The following SIPA1L1 variants were observed in gnomAD, a reference collection of about 807,000 sequenced individuals.
SIPA1L1 encodes the protein signal induced proliferation associated 1 like 1, also known as signal-induced proliferation-associated 1-like protein 1.
In SIPA1L1, 26 loss-of-function variants were observed where a neutral mutation model predicts 162.7. That is an observed-to-expected ratio of 0.16 (90% confidence interval 0.12 to 0.22). The LOEUF is 0.22. Ranked by LOEUF, SIPA1L1 falls within the 10% of genes least tolerant of loss-of-function variation. The pLI, the probability that SIPA1L1 is intolerant of heterozygous loss-of-function variation, is 1.00. For synonymous variants in SIPA1L1, 829 were observed against 837.4 expected (o/e 0.99, Z 0.17); for missense variants, 1,874 against 2,241.0 (o/e 0.84, Z 3.31).
chr14:71,588,298 G>C lies in SIPA1L1; in HGVS notation c.426G>C (p.Lys142Asn). Residue 142 changes from lysine to asparagine, a missense_variant, in exon 5 of 24, where the codon AAG becomes AAC. This residue lies in a region of SIPA1L1 where 685 missense variants were observed against 828.0 expected (regional missense o/e 0.83). Transcript: ENST00000381232. The surrounding 1 kb of genome is among the most constrained non-coding windows in gnomAD (Gnocchi z 4.3). Reference sequence around the variant, plus strand: ...GCATACAGAACACGCTGAAAAACAAGACAAGACCGTCGGAGAACATGGACT... The same window carrying C: ...GCATACAGAACACGCTGAAAAACAACACAAGACCGTCGGAGAACATGGACT... Reference protein sequence around the residue: ...LKSIQNTLKNKTRPSENMDSR... With the variant: ...LKSIQNTLKNNTRPSENMDSR... 6.2e-7 allele frequency: 1 copy of C among 1,613,884 alleles called. No homozygotes were observed. The highest frequency in any genetic ancestry group is 8.5e-7 in the Non-Finnish European group (1 of 1,179,986).
At chr14:71,566,233 G>A (rs1045929899) in intron 4 of SIPA1L1, among the ~76,000 whole-genome samples, 4 of 152,136 alleles carry the variant, frequency 2.6e-5, no homozygotes, top group Non-Finnish European at 5.9e-5. Flanking sequence ...TAATAACCTA[G>A]CAGAAGATAT....
chr14:71,584,416 C>T (rs2034328338), intron 4 of SIPA1L1, among the ~76,000 whole-genome samples: 1 of 152,170 alleles, frequency 6.6e-6, no homozygotes, highest in African/African-American at 2.4e-5. Flanking sequence ...TATTAAAGAG[C>T]TTACAATCAA....
intron 7 of SIPA1L1, among the ~76,000 whole-genome samples, chr14:71,644,254 A>G (rs1033471169): frequency 1.3e-5 from 2 of 151,836 alleles, no homozygotes; most frequent in Non-Finnish European, 2.9e-5. Flanking sequence ...TTTTTTTGAG[A>G]CAGGGTTGCA....
At chr14:71,646,406 G>C (rs2042173453) in intron 7 of SIPA1L1, among the ~76,000 whole-genome samples, 1 of 152,152 alleles carries the variant, frequency 6.6e-6, no homozygotes, top group Non-Finnish European at 1.5e-5. Context: ...TCAATCTCCT[G>C]ACCTCATGAG....
chr14:71,732,653 G>T (rs1479429850), intron 20 of SIPA1L1, among the ~76,000 whole-genome samples: 2 of 152,208 alleles, frequency 1.3e-5, no homozygotes, highest in Non-Finnish European at 2.9e-5. Context: ...AAGAGCTTGG[G>T]ATGTTAGACT....
At chr14:71,684,912 C>T (rs2046151847) in intron 12 of SIPA1L1, among the ~76,000 whole-genome samples, 1 of 150,798 alleles carries the variant, frequency 6.6e-6, no homozygotes, top group South Asian at 2.1e-4. Flanking sequence ...AGCCCAGTCA[C>T]GATGTGCAGT....
At chr14:71,513,680 A>C (rs1275270446) in intron 3 of SIPA1L1, among the ~76,000 whole-genome samples, 1 of 152,064 alleles carries the variant, frequency 6.6e-6, no homozygotes, top group African/African-American at 2.4e-5. Flanking sequence ...TTCTATAGAA[A>C]TGGGGTCTTG....
intron 23 of SIPA1L1, among the ~76,000 whole-genome samples, 195 bp from the exon 24 acceptor site, chr14:71,738,823 G>C (rs2085556460): frequency 3.3e-5 from 5 of 152,112 alleles, no homozygotes; most frequent in Admixed American, 3.3e-4. Context: ...CTGCAGGGTT[G>C]AATCTCTCTA....
At chr14:71,536,420 C>CA (rs1369261283) in intron 4 of SIPA1L1, among the ~76,000 whole-genome samples, 1 of 152,218 alleles carries the variant, frequency 6.6e-6, no homozygotes, top group Non-Finnish European at 1.5e-5. Flanking sequence ...GTCTTGAAGC[C>CA]ATTGTGGTAT....
chr14:71,479,630 A>G (rs888507015), intron 2 of SIPA1L1, among the ~76,000 whole-genome samples: 6 of 151,194 alleles, frequency 4.0e-5, no homozygotes, highest in Admixed American at 2.0e-4. Flanking sequence ...CTGCTCTTGA[A>G]CTCTTGAGCT....
chr14:71,621,803 A>G (rs1353540054), intron 6 of SIPA1L1, among the ~76,000 whole-genome samples: 1 of 151,754 alleles, frequency 6.6e-6, no homozygotes, highest in Non-Finnish European at 1.5e-5. Flanking sequence ...GTCTCCTTCC[A>G]TCCCTTTCTC....
chr14:71,707,535 T>C (rs2082539376), intron 16 of SIPA1L1, among the ~76,000 whole-genome samples: 1 of 152,200 alleles, frequency 6.6e-6, no homozygotes, highest in Non-Finnish European at 1.5e-5. Context: ...TCTGGACATT[T>C]CATACAAATG....
At chr14:71,426,155 A>G (rs1481830678) in intron 2 of SIPA1L1, among the ~76,000 whole-genome samples, 1 of 152,084 alleles carries the variant, frequency 6.6e-6, no homozygotes, top group Admixed American at 6.6e-5. Flanking sequence ...CTTTAAACAC[A>G]TGTCCTTTGT....
At chr14:71,624,273 G>A in intron 7 of SIPA1L1, 37 bp downstream of exon 7, 1 of 1,538,946 alleles carries the variant, frequency 6.5e-7, no homozygotes, top group East Asian at 2.3e-5. Flanking sequence ...TTCTTGCTCA[G>A]GTTTATTGCT....
intron 17 of SIPA1L1, among the ~76,000 whole-genome samples, chr14:71,711,076 C>G (rs1336757511): frequency 6.6e-6 from 1 of 152,140 alleles, no homozygotes; most frequent in Middle Eastern, 3.2e-3. Flanking sequence ...AAGCCTTTCA[C>G]TAGTTTTGTT....
At chr14:71,634,948 A>AG (rs908348402) in intron 7 of SIPA1L1, among the ~76,000 whole-genome samples, 2 of 150,468 alleles carry the variant, frequency 1.3e-5, no homozygotes, top group African/African-American at 4.9e-5. Flanking sequence ...AAAAAAAAAA[A>AG]TAGCTAAGTT....
At chr14:71,373,882 A>T (rs1347163125) in intron 2 of SIPA1L1, among the ~76,000 whole-genome samples, 2 of 152,080 alleles carry the variant, frequency 1.3e-5, no homozygotes, top group African/African-American at 4.8e-5. Flanking sequence ...CCTGGGTAAC[A>T]TAATGAAATG....
chr14:71,529,234 G>A (rs117657553), intron 3 of SIPA1L1, 78 bp from the exon 4 acceptor site: 9 of 488,116 alleles, frequency 1.8e-5, no homozygotes, highest in Non-Finnish European at 1.8e-5. Context: ...GATAAGACCT[G>A]TGTAAGTTAT....
At chr14:71,418,492 C>A (rs888095717) in intron 2 of SIPA1L1, among the ~76,000 whole-genome samples, 1 of 152,166 alleles carries the variant, frequency 6.6e-6, no homozygotes, top group Non-Finnish European at 1.5e-5. Context: ...AGCCCCACCC[C>A]CTACTGTCCC....
Sources: gnomAD v4.1 joint callset for allele counts (sites outside exome capture counted in the v4.1 genomes callset) on GRCh38, gnomAD v4.1.1 for gene constraint, gnomAD v4.1.1 regional missense constraint, Gnocchi (gnomAD v3.1) non-coding constraint, MANE v1.5 for transcripts, NCBI Gene and HGNC (gene_info 2026-07-23, HGNC 2026-07-21) for gene names.